PHACTR3: variants seen among roughly 807,000 people sequenced by gnomAD.
PHACTR3 encodes phosphatase and actin regulator 3, also known as protein phosphatase 1, regulatory subunit 123.
Under a neutral mutation model 66.8 loss-of-function variants are expected in PHACTR3, and 16 were observed. That is an observed-to-expected ratio of 0.24 (90% confidence interval 0.16 to 0.36). The LOEUF (loss-of-function observed/expected upper bound fraction) is 0.36. Ranked by LOEUF, PHACTR3 falls within the 10% of genes least tolerant of loss-of-function variation. The pLI is 1.00. For synonymous variants in PHACTR3, 323 were observed against 292.1 expected, an observed-to-expected ratio of 1.11 and a Z score of -1.08; for missense variants, 647 against 719.9, an observed-to-expected ratio of 0.90 and a Z score of 1.16.
intron 1 of PHACTR3, among the ~76,000 whole-genome samples, chr20:59,684,940 GCTTCCCATGGCTCAGCA>G (rs1301179541): frequency 2.6e-5 from 4 of 152,066 alleles, no homozygotes. Context: ...ACGTCCCTTG[GCTTCCCATGGCTCAGCA>G]CGTCCCGTGG....
intron 8 of PHACTR3, among the ~76,000 whole-genome samples, chr20:59,808,410 A>G (rs1226622428): frequency 6.6e-6 from 1 of 152,168 alleles, no homozygotes; most frequent in African/African-American, 2.4e-5. Flanking sequence ...GGAAATTCTG[A>G]TAAAGCTCAG....
intron 1 of PHACTR3, among the ~76,000 whole-genome samples, chr20:59,621,555 G>C (rs1305517986): frequency 6.6e-6 from 1 of 152,236 alleles, no homozygotes; most frequent in South Asian, 2.1e-4. Flanking sequence ...CCTCCTTCCT[G>C]TCTTTCTTGC....
At chr20:59,757,795 G>C (rs1313693196) in intron 4 of PHACTR3, among the ~76,000 whole-genome samples, 4 of 152,144 alleles carry the variant, frequency 2.6e-5, no homozygotes, top group East Asian at 1.9e-4. Context: ...CTACAAAAAA[G>C]TTTTGTTTTT....
rs1409413434 is a variant in PHACTR3 at position 59,830,290 on chromosome 20, GT to G, written c.1329-6214del. Reference sequence around the variant, plus strand: ...GGGTATGAGTGTCTGATGGAAGCAAGTGAGTGATGGACAGTGTGAGTAGATG... The same window carrying G: ...GGGTATGAGTGTCTGATGGAAGCAAGGAGTGATGGACAGTGTGAGTAGATG... On this transcript the variant is annotated intron_variant, in intron 8 of 12. Coordinates refer to ENST00000371015, the MANE Select transcript of PHACTR3 (RefSeq NM_080672.5). The surrounding 1 kb of genome is among the most constrained non-coding windows in gnomAD (Gnocchi z 5.8). 7.2e-5 allele frequency among the ~76,000 whole-genome samples: 11 copies of G among 152,056 alleles called. No homozygotes were observed. Among genetic ancestry groups the G allele is most frequent in the African/African-American group, 1.4e-4 (6 of 41,382 alleles).
chr20:59,741,258 A>G (rs999070807), intron 1 of PHACTR3, among the ~76,000 whole-genome samples: 5 of 152,170 alleles, frequency 3.3e-5, no homozygotes, highest in African/African-American at 1.2e-4. Flanking sequence ...TGTGGAACTG[A>G]CCACGCGCTG....
intron 9 of PHACTR3, among the ~76,000 whole-genome samples, chr20:59,838,489 A>G (rs548096110): frequency 2.6e-5 from 4 of 152,334 alleles, no homozygotes; most frequent in African/African-American, 9.6e-5. Context: ...GGGTCCCTTT[A>G]TATGGTGATG....
intron 1 of PHACTR3, among the ~76,000 whole-genome samples, chr20:59,693,045 G>T (rs2037168150): frequency 6.6e-6 from 1 of 152,162 alleles, no homozygotes; most frequent in Non-Finnish European, 1.5e-5. Flanking sequence ...TTGAGGATTT[G>T]TCGGGGTCAC....
At chr20:59,824,956 C>T (rs898651944) in intron 8 of PHACTR3, among the ~76,000 whole-genome samples, 3 of 152,174 alleles carry the variant, frequency 2.0e-5, no homozygotes, top group Admixed American at 2.0e-4. Flanking sequence ...TGGACTTGCC[C>T]CACAACAGCA....
At chr20:59,754,939 G>A (rs550248277) in intron 3 of PHACTR3, among the ~76,000 whole-genome samples, 56 of 152,356 alleles carry the variant, frequency 3.7e-4, no homozygotes, top group Non-Finnish European at 5.6e-4. Flanking sequence ...AGGTGTCGGA[G>A]GAAGAGTGCA....
At chr20:59,629,700 G>A (rs1022229292) in intron 1 of PHACTR3, among the ~76,000 whole-genome samples, 2 of 152,192 alleles carry the variant, frequency 1.3e-5, no homozygotes, top group Admixed American at 6.5e-5. Flanking sequence ...GAATAAACAC[G>A]GTTGCCTCTC....
At chr20:59,668,528 G>C (rs953957278) in intron 1 of PHACTR3, among the ~76,000 whole-genome samples, 1 of 152,090 alleles carries the variant, frequency 6.6e-6, no homozygotes, top group African/African-American at 2.4e-5. Context: ...ATTTCAATTT[G>C]TTTCCTGGGA....
intron 1 of PHACTR3, among the ~76,000 whole-genome samples, chr20:59,703,077 T>C (rs1487051690): frequency 6.6e-6 from 1 of 152,240 alleles, no homozygotes; most frequent in Non-Finnish European, 1.5e-5. Flanking sequence ...TTTATGTTGA[T>C]TCTGCCATTC....
intron 1 of PHACTR3, among the ~76,000 whole-genome samples, chr20:59,669,123 G>A (rs2036104099): frequency 6.6e-6 from 1 of 152,094 alleles, no homozygotes; most frequent in Admixed American, 6.5e-5. Flanking sequence ...TGTGACTTCA[G>A]CCTGGCAGCT....
intron 1 of PHACTR3, chr20:59,721,579 AG>A (rs1439437987): frequency 6.6e-6 from 1 of 152,338 alleles, no homozygotes; most frequent in Non-Finnish European, 1.5e-5. Flanking sequence ...GGAGTTGGGA[AG>A]GGGGTTCTAG....
chr20:59,744,394 G>A (rs934237111), intron 2 of PHACTR3, among the ~76,000 whole-genome samples: 1 of 152,242 alleles, frequency 6.6e-6, no homozygotes, highest in East Asian at 1.9e-4. Flanking sequence ...CCACATGCCT[G>A]TGAGCCACAC....
intron 7 of PHACTR3, among the ~76,000 whole-genome samples, chr20:59,784,552 C>T (rs937815289): frequency 2.0e-5 from 3 of 152,020 alleles, no homozygotes; most frequent in Admixed American, 1.3e-4. Context: ...TGAGCCTGGG[C>T]GTGGAGATGA....
chr20:59,674,639 GTTCCTCTC>G (rs2036348329), intron 1 of PHACTR3, among the ~76,000 whole-genome samples: 1 of 70,182 alleles, frequency 1.4e-5, no homozygotes, highest in Non-Finnish European at 2.4e-5. Context: ...CGCTTCTCCT[GTTCCTCTC>G]CCTTCTCCTG....
chr20:59,668,985 T>C (rs1168285892), intron 1 of PHACTR3, among the ~76,000 whole-genome samples: 2 of 152,192 alleles, frequency 1.3e-5, no homozygotes, highest in East Asian at 3.9e-4. Context: ...TGACCTTAAA[T>C]GATCCTCCCA....
chr20:59,642,771 A>G (rs2035149510), intron 1 of PHACTR3, among the ~76,000 whole-genome samples: 1 of 152,214 alleles, frequency 6.6e-6, no homozygotes, highest in African/African-American at 2.4e-5. Context: ...AACCCGGGGC[A>G]GAAGGAATGA....
Sources: gnomAD v4.1 joint callset for allele counts (sites outside exome capture counted in the v4.1 genomes callset) on GRCh38, gnomAD v4.1.1 for gene constraint, Gnocchi (gnomAD v3.1) non-coding constraint, MANE v1.5 for transcripts, NCBI Gene and HGNC (gene_info 2026-07-23, HGNC 2026-07-21) for gene names.